The following KCNN2 variants were observed in gnomAD, a reference collection of about 807,000 sequenced individuals.
The protein encoded by KCNN2 is small conductance calcium-activated potassium channel protein 2.
KCNN2 carries 24 observed loss-of-function variants against 55.5 expected under a neutral mutation model. That is an observed-to-expected ratio of 0.43 (90% CI 0.31 to 0.61). The LOEUF (loss-of-function observed/expected upper bound fraction) is 0.61, where lower values mean the gene tolerates loss of function less well. Ranked by LOEUF, KCNN2 falls within the 20% of genes least tolerant of loss-of-function variation. The pLI is 0.08. For synonymous variants in KCNN2, 431 were observed against 336.1 expected, an observed-to-expected ratio of 1.28 and a Z score of -3.09; for missense variants, 754 against 853.6, an observed-to-expected ratio of 0.88 and a Z score of 1.45.
At chr5:114,170,575 T>C (rs1186345446) in intron 1 of KCNN2, among the ~76,000 whole-genome samples, 1 of 152,002 alleles carries the variant, frequency 6.6e-6, no homozygotes, top group African/African-American at 2.4e-5. Context: ...CGCCATGTTT[T>C]CCTGCACACA....
chr5:114,141,064 GGCATAA>G (rs888195482), intron 1 of KCNN2, among the ~76,000 whole-genome samples: 15 of 151,986 alleles, frequency 9.9e-5, no homozygotes, highest in African/African-American at 3.1e-4. Flanking sequence ...TGGGATTACA[GGCATAA>G]GCCACCATGC....
chr5:114,078,394 C>T (rs1750728349), intron 1 of KCNN2, among the ~76,000 whole-genome samples: 1 of 152,150 alleles, frequency 6.6e-6, no homozygotes, highest in Non-Finnish European at 1.5e-5. Flanking sequence ...CTGTTTACAT[C>T]ACTAATTCAG....
intron 1 of KCNN2, among the ~76,000 whole-genome samples, chr5:114,074,329 T>TGTGTGTGC (rs1200712655): frequency 0.013 from 1,784 of 138,636 alleles, 29 homozygotes; most frequent in African/African-American, 0.047. Context: ...TGTGTGTGTG[T>TGTGTGTGC]GCGCGCGCGC....
chr5:114,357,014 T>G (rs189467635), intron 2 of KCNN2, among the ~76,000 whole-genome samples: 27 of 152,138 alleles, frequency 1.8e-4, no homozygotes, highest in African/African-American at 6.3e-4. Flanking sequence ...AATATTGTAG[T>G]TGACTCACCC....
chr5:114,325,059 T>C (rs1756689439), intron 2 of KCNN2, among the ~76,000 whole-genome samples: 1 of 152,320 alleles, frequency 6.6e-6, no homozygotes, highest in East Asian at 1.9e-4. Flanking sequence ...TCATATATAG[T>C]GTCAGAAAAC....
intron 2 of KCNN2, among the ~76,000 whole-genome samples, chr5:114,273,077 C>T (rs1162321483): frequency 2.0e-5 from 3 of 152,080 alleles, no homozygotes; most frequent in Non-Finnish European, 4.4e-5. Context: ...CTCCCTGTGT[C>T]CATGTATTCT....
intron 2 of KCNN2, among the ~76,000 whole-genome samples, chr5:114,232,922 C>CTCGTTTTTTTTTTTTTTTTTT (rs200715120): frequency 9.1e-5 from 4 of 44,038 alleles, no homozygotes; most frequent in South Asian, 7.7e-4. Flanking sequence ...TATATTGTTT[C>CTCGTTTTTTTTTTTTTTTTTT]TTGTTTTTTT....
At chr5:114,487,209 T>C (rs377642856) in intron 6 of KCNN2, 32 bp downstream of exon 6, 12 of 1,602,982 alleles carry the variant, frequency 7.5e-6, no homozygotes, top group Non-Finnish European at 8.5e-6. Flanking sequence ...TATCCTGTTG[T>C]TGTGTCCTTG....
intron 1 of KCNN2, among the ~76,000 whole-genome samples, chr5:114,211,505 A>G (rs183653394): frequency 1.2e-4 from 18 of 152,306 alleles, no homozygotes; most frequent in Admixed American, 9.8e-4. Flanking sequence ...GTGGGAGCTA[A>G]TTGGTGAGAA....
At chr5:114,310,581 T>C (rs535761035) in intron 2 of KCNN2, among the ~76,000 whole-genome samples, 6 of 152,030 alleles carry the variant, frequency 3.9e-5, no homozygotes, top group Admixed American at 1.3e-4. Context: ...CAAAGGTTAA[T>C]TTTTTTTCAA....
At chr5:114,227,981 TTGATGATGATGACGATGA>T (rs869308390) in intron 2 of KCNN2, among the ~76,000 whole-genome samples, 4 of 149,240 alleles carry the variant, frequency 2.7e-5, no homozygotes, top group East Asian at 3.9e-4. Context: ...CAAACAATGA[TTGATGATGATGACGATGA>T]TGATGATGAT....
At chr5:114,262,287 G>C (rs998415900) in intron 2 of KCNN2, among the ~76,000 whole-genome samples, 10 of 152,086 alleles carry the variant, frequency 6.6e-5, no homozygotes, top group African/African-American at 2.4e-4. Flanking sequence ...AGTGGATCCT[G>C]AAAAAGTACA....
chr5:114,396,910 A>G (rs1758637282), intron 2 of KCNN2, among the ~76,000 whole-genome samples: 1 of 151,870 alleles, frequency 6.6e-6, no homozygotes, highest in African/African-American at 2.4e-5. Flanking sequence ...GGTGTCTATC[A>G]TTTCCTTCTT....
chr5:114,258,356 C>T (rs1338605074), intron 2 of KCNN2, among the ~76,000 whole-genome samples: 2 of 152,182 alleles, frequency 1.3e-5, no homozygotes, highest in South Asian at 2.1e-4. Flanking sequence ...ACATTGGCTT[C>T]TAGAATGAGT....
chr5:114,350,346 A>G (rs1010422250), intron 2 of KCNN2, among the ~76,000 whole-genome samples: 3 of 151,868 alleles, frequency 2.0e-5, no homozygotes, highest in East Asian at 3.9e-4. Context: ...AGTTCTTTAT[A>G]TACTATGGAT....
chr5:114,083,765 A>G (rs1001362162), intron 1 of KCNN2, among the ~76,000 whole-genome samples: 5 of 152,102 alleles, frequency 3.3e-5, no homozygotes, highest in Admixed American at 6.6e-5. Flanking sequence ...CAAAAGCATA[A>G]TGTCATTAAT....
intron 1 of KCNN2, among the ~76,000 whole-genome samples, chr5:114,171,457 C>G (rs10519377): frequency 2.0e-5 from 3 of 151,794 alleles, no homozygotes; most frequent in Non-Finnish European, 2.9e-5. Flanking sequence ...ATGAGTTTTA[C>G]TAATTATTCG....
intron 2 of KCNN2, among the ~76,000 whole-genome samples, chr5:114,223,397 A>G (rs1360511789): frequency 2.0e-5 from 3 of 152,220 alleles, no homozygotes; most frequent in Non-Finnish European, 1.5e-5. Flanking sequence ...TATGACCAAG[A>G]AGGAGACCCA....
At position 114,496,416 on chromosome 5, in the gene KCNN2, C is replaced by CACTA. The variant is rs549126656; in HGVS notation, c.*238_*241dup. On this transcript the variant is annotated 3_prime_UTR_variant, in exon 8 of 8. Transcript: ENST00000673685. Reference sequence around the variant, plus strand: ...ATATAGATTGTTCCTCCTGTAATTTCACTAACTTTTTATTCATGCACTTCA... The same window carrying CACTA: ...ATATAGATTGTTCCTCCTGTAATTTCACTAACTAACTTTTTATTCATGCACTTCA... The CACTA allele has an allele frequency of 7.3e-4, 319 of 438,400 alleles. No individual in the cohort carries two copies. Among genetic ancestry groups the CACTA allele is most frequent in the African/African-American group, 6.0e-3 (307 of 50,900 alleles). 27.2% of individuals were successfully genotyped at this position (438,400 alleles called of 1,614,324 possible).
Sources: allele counts gnomAD v4.1 joint callset (sites outside exome capture counted in the v4.1 genomes callset), GRCh38; gene constraint gnomAD v4.1.1; transcripts MANE v1.5; gene names NCBI Gene and HGNC (gene_info 2026-07-23, HGNC 2026-07-21).